The following CEP290 variants were observed in gnomAD, a reference collection of about 807,000 sequenced individuals.
CEP290 encodes centrosomal protein 290, also known as centrosomal protein of 290 kDa.
In CEP290, 317 loss-of-function variants were observed where a neutral mutation model predicts 344.9. The ratio of observed to expected loss-of-function variants is 0.92; its 90% CI spans 0.84 to 1.01. CEP290 has a LOEUF of 1.01. CEP290 is among the 50% of genes least tolerant of loss of function. The pLI, the probability that CEP290 is intolerant of heterozygous loss-of-function variation, is 0.00. For synonymous variants in CEP290, 932 were observed against 895.8 expected (o/e 1.04, Z -0.72); for missense variants, 2,754 against 2,761.4 (o/e 1.00, Z 0.06).
rs918006202 is a variant in CEP290 at position 88,065,349 on chromosome 12, G to A, written c.6136-1234C>T. Reference sequence around the variant, plus strand: ...ATGTGTCCATCTGATTTTTGTTTGAGGAGATGTGTGTGCACATGCACATAT... The same window carrying A: ...ATGTGTCCATCTGATTTTTGTTTGAAGAGATGTGTGTGCACATGCACATAT... On this transcript the variant is annotated intron_variant, in intron 44 of 53. Coordinates refer to ENST00000552810, the MANE Select transcript of CEP290 (RefSeq NM_025114.4). 8.9e-4 allele frequency among the ~76,000 whole-genome samples: 133 copies of A among 150,172 alleles called. 1 individual carries two copies. The highest frequency in any genetic ancestry group is 2.1e-4 in the Non-Finnish European group (14 of 67,340).
chr12:88,087,878 C>CT lies in CEP290; in HGVS notation c.4095dup (p.Val1366SerfsTer4). On this transcript the variant is annotated frameshift_variant, in exon 32 of 54. Transcript: ENST00000552810. LOFTEE classifies it high-confidence loss of function. ...TATTTTATTTCTTCTTTATCCTTGA[C>CT]TAATTCCCGATTTAGTTTAAGTTCT... 8.1e-7 allele frequency: 1 copy of CT among 1,235,824 alleles called. No homozygotes were observed. The highest frequency in any genetic ancestry group is 1.0e-6 in the Non-Finnish European group (1 of 964,806). 76.6% of individuals were successfully genotyped at this position (1,235,824 alleles called of 1,614,324 possible). A position where few individuals can be genotyped will look rare whatever the true frequency, so the allele number is the denominator to read the frequency against.
At chr12:88,095,467 A>G (rs1184435177) in intron 27 of CEP290, among the ~76,000 whole-genome samples, 2 of 152,220 alleles carry the variant, frequency 1.3e-5, no homozygotes, top group African/African-American at 4.8e-5. Flanking sequence ...GGAATTCAGC[A>G]TTTATTAAAA....
At chr12:88,053,848 G>T in intron 51 of CEP290, 102 bp from the exon 52 acceptor site, 1 of 573,692 alleles carries the variant, frequency 1.7e-6, no homozygotes, top group African/African-American at 2.0e-5. Flanking sequence ...ATCAGAACAA[G>T]CTAGCCTTTA....
Position 88,109,158 on chromosome 12 carries a change from C to CT in CEP290, c.2390dup (p.Leu798ValfsTer9). 3 of 1,331,844 alleles carry CT rather than the reference C, an allele frequency of 2.3e-6. No homozygotes were observed. Among genetic ancestry groups the CT allele is most frequent in the African/African-American group, 1.5e-5 (1 of 65,584 alleles). The allele number at this position is 1,331,844 out of a possible 1,614,324, so 82.5% of individuals were successfully genotyped here. On this transcript the variant is annotated frameshift_variant, in exon 23 of 54. Coordinates refer to ENST00000552810, the MANE Select transcript of CEP290 (RefSeq NM_025114.4). LOFTEE classifies it high-confidence loss of function. ...CAAGAGAATCTTCTAAATTCTTTAACTTTTTTTCTTTATTTTCTAGTTCCT... is the reference window on the plus strand; with the variant it reads ...CAAGAGAATCTTCTAAATTCTTTAACTTTTTTTTCTTTATTTTCTAGTTCCT...
chr12:88,058,615 C>T, intron 49 of CEP290: 1 of 532,814 alleles, frequency 1.9e-6, no homozygotes, highest in Non-Finnish European at 3.3e-6. Context: ...CCAGCCCCAG[C>T]TCTACACTGT....
intron 26 of CEP290, among the ~76,000 whole-genome samples, chr12:88,097,787 G>C (rs773780349): frequency 2.6e-5 from 4 of 152,048 alleles, no homozygotes; most frequent in Admixed American, 1.3e-4. Flanking sequence ...GAGTTTTGCA[G>C]CCTTCACAAA....
chr12:88,072,072 G>T, intron 41 of CEP290, 146 bp from the exon 42 acceptor site: 1 of 752,266 alleles, frequency 1.3e-6, no homozygotes, highest in Non-Finnish European at 1.9e-6. Context: ...TATACAGGTT[G>T]AGTATCCCTT....
intron 38 of CEP290, 106 bp from the exon 39 acceptor site, chr12:88,079,335 T>A: frequency 1.1e-6 from 1 of 874,124 alleles, no homozygotes; most frequent in Non-Finnish European, 1.7e-6. Flanking sequence ...CTACTATTTT[T>A]CTAAAATATT....
At chr12:88,098,005 CT>C (rs1380668855) in intron 26 of CEP290, among the ~76,000 whole-genome samples, 2 of 152,076 alleles carry the variant, frequency 1.3e-5, no homozygotes, top group East Asian at 3.8e-4. Flanking sequence ...AACAAAAAGT[CT>C]ACTAAAAATG....
At chr12:88,097,646 C>A (rs974086078) in intron 26 of CEP290, among the ~76,000 whole-genome samples, 4 of 144,566 alleles carry the variant, frequency 2.8e-5, no homozygotes, top group African/African-American at 1.0e-4. Context: ...CACATATATA[C>A]AATGTAAAAT....
intron 52 of CEP290, among the ~76,000 whole-genome samples, chr12:88,052,571 T>C (rs932770397): frequency 2.0e-5 from 3 of 152,162 alleles, no homozygotes; most frequent in Non-Finnish European, 4.4e-5. Context: ...GTCTATAAAG[T>C]TAGCCCAATT....
chr12:88,067,482 C>A (rs1373175475), intron 44 of CEP290, among the ~76,000 whole-genome samples: 4 of 151,846 alleles, frequency 2.6e-5, no homozygotes, highest in Non-Finnish European at 5.9e-5. Flanking sequence ...CCTGCCTGTG[C>A]ATCACCCTCA....
At chr12:88,115,022 T>C in intron 19 of CEP290, 76 bp downstream of exon 19, 1 of 730,618 alleles carries the variant, frequency 1.4e-6, no homozygotes, top group Non-Finnish European at 2.3e-6. Context: ...AGAGAATGTG[T>C]TAACGCCCTT....
intron 36 of CEP290, among the ~76,000 whole-genome samples, chr12:88,083,636 A>G (rs1180210566): frequency 1.3e-5 from 2 of 152,230 alleles, no homozygotes; most frequent in Non-Finnish European, 2.9e-5. Flanking sequence ...AGGTAGGTTC[A>G]TAGCAGATTG....
intron 6 of CEP290, chr12:88,136,357 A>G: frequency 2.9e-6 from 1 of 340,040 alleles, no homozygotes; most frequent in South Asian, 3.5e-5. Flanking sequence ...GTTACTTGAT[A>G]CCAATCTTCC....
intron 41 of CEP290, among the ~76,000 whole-genome samples, chr12:88,073,730 A>C (rs2035556079): frequency 2.0e-5 from 3 of 152,072 alleles, no homozygotes; most frequent in African/African-American, 7.2e-5. Context: ...CCAGAGTTCA[A>C]AGACCAGCCA....
At chr12:88,107,505 G>A (rs2038370488) in intron 23 of CEP290, among the ~76,000 whole-genome samples, 1 of 150,730 alleles carries the variant, frequency 6.6e-6, no homozygotes, top group Admixed American at 6.6e-5. Context: ...AAAATAATTT[G>A]AATACAAACA....
intron 20 of CEP290, 72 bp downstream of exon 20, chr12:88,114,348 G>A: frequency 1.7e-6 from 2 of 1,162,232 alleles, no homozygotes; most frequent in Non-Finnish European, 2.3e-6. Flanking sequence ...AGAAACTATG[G>A]AGATCTGTAC....
At position 88,118,443 on chromosome 12, in the gene CEP290, T is replaced by A. The variant is rs1401570315; in HGVS notation, c.1711+40A>T. 8 of 1,441,752 alleles carry A rather than the reference T, an allele frequency of 5.5e-6. No homozygotes were observed. The African/African-American group carries it at 1.1e-4, about 21-fold the overall frequency. The allele number at this position is 1,441,752 out of a possible 1,614,324, so 89.3% of individuals were successfully genotyped here. A position where few individuals can be genotyped will look rare whatever the true frequency, so the allele number is the denominator to read the frequency against. ...ATTTCATATCCAGACAACTCACTTATCAATAATTCTTTTTAAAGGTTTAGA... is the reference window on the plus strand; with the variant it reads ...ATTTCATATCCAGACAACTCACTTAACAATAATTCTTTTTAAAGGTTTAGA... On this transcript the variant is annotated intron_variant, in intron 17 of 53. Coordinates refer to ENST00000552810, the MANE Select transcript of CEP290 (RefSeq NM_025114.4).
Sources: allele counts gnomAD v4.1 joint callset (sites outside exome capture counted in the v4.1 genomes callset), GRCh38; gene constraint gnomAD v4.1.1; transcripts MANE v1.5; gene names NCBI Gene and HGNC (gene_info 2026-07-23, HGNC 2026-07-21).